The following IL1RAPL1 variants were observed in gnomAD, a reference collection of about 807,000 sequenced individuals.
The protein encoded by IL1RAPL1 is interleukin-1 receptor accessory protein-like 1.
In IL1RAPL1, 3 loss-of-function variants were observed where a neutral mutation model predicts 48.4. The observed-to-expected ratio is 0.06, with a 90% CI of 0.03 to 0.16. IL1RAPL1 has a LOEUF of 0.16. Among genes scored for constraint, IL1RAPL1 ranks in the 10% least tolerant of loss-of-function variants. The pLI is 1.00. For synonymous variants in IL1RAPL1, 185 were observed against 187.7 expected (o/e 0.99, Z 0.12); for missense variants, 349 against 530.6 (o/e 0.66, Z 3.36).
In IL1RAPL1 at chrX:29,158,064, C is replaced by G. The variant is rs756128743; in HGVS notation, c.83-124874C>G. Among the ~76,000 whole-genome samples, 233 of 110,910 alleles carry G rather than the reference C, an allele frequency of 2.1e-3. 1 individual carries two copies. Among genetic ancestry groups the G allele is most frequent in the Admixed American group, 3.4e-3 (35 of 10,408 alleles). On this transcript the variant is annotated intron_variant, in intron 2 of 10. Transcript: ENST00000378993. ...TGTGCCCTTGATTTTAATTTCTTAC[C>G]TTGAGTCCTTTTGTTATTTAGAATG... is the stretch of plus-strand genomic sequence containing the variant.
At chrX:28,667,319 C>G (rs1333115439) in intron 1 of IL1RAPL1, among the ~76,000 whole-genome samples, 1 of 112,210 alleles carries the variant, frequency 8.9e-6, no homozygotes, top group Non-Finnish European at 1.9e-5. Context: ...CTGCCTGAAT[C>G]TTAAGTATAA....
At chrX:29,595,881 G>C (rs778881428) in intron 5 of IL1RAPL1, among the ~76,000 whole-genome samples, 1 of 111,688 alleles carries the variant, frequency 9.0e-6, no homozygotes, top group East Asian at 2.8e-4. Context: ...TTAGATTTAA[G>C]TCTTTGATCC....
chrX:29,503,658 T>G, intron 5 of IL1RAPL1, among the ~76,000 whole-genome samples: 1 of 110,770 alleles, frequency 9.0e-6, no homozygotes, highest in African/African-American at 3.3e-5. Context: ...TTATTTTTAT[T>G]TTATTATTTG....
At chrX:29,191,392 A>G (rs776528733) in intron 2 of IL1RAPL1, among the ~76,000 whole-genome samples, 1 of 111,724 alleles carries the variant, frequency 9.0e-6, no homozygotes, top group South Asian at 3.8e-4. Context: ...TTTCAGGAGA[A>G]AAAAGAAAAG....
intron 5 of IL1RAPL1, among the ~76,000 whole-genome samples, chrX:29,399,540 G>A (rs1933961901): frequency 9.0e-6 from 1 of 111,706 alleles, no homozygotes; most frequent in Admixed American, 9.5e-5. Flanking sequence ...TAACTTTTGG[G>A]CCGGGCACCG....
intron 2 of IL1RAPL1, among the ~76,000 whole-genome samples, chrX:29,213,076 G>A (rs761172074): frequency 7.2e-5 from 8 of 111,201 alleles, no homozygotes; most frequent in Non-Finnish European, 1.5e-4. Context: ...TCGGCTCACC[G>A]CAACCTCTGC....
chrX:29,216,069 T>C (rs1230950957), intron 2 of IL1RAPL1, among the ~76,000 whole-genome samples: 4 of 112,146 alleles, frequency 3.6e-5, no homozygotes, highest in Non-Finnish European at 7.5e-5. Flanking sequence ...TCTCAACAAA[T>C]AGCTTCAGAT....
intron 2 of IL1RAPL1, among the ~76,000 whole-genome samples, chrX:29,014,402 G>A (rs1360375570): frequency 9.1e-6 from 1 of 109,928 alleles, no homozygotes; most frequent in Non-Finnish European, 1.9e-5. Context: ...GTCCCCTAGG[G>A]TGTGTGTGTG....
At chrX:29,183,991 GC>G (rs1256158590) in intron 2 of IL1RAPL1, among the ~76,000 whole-genome samples, 1 of 111,955 alleles carries the variant, frequency 8.9e-6, no homozygotes, top group Non-Finnish European at 1.9e-5. Flanking sequence ...ACCGTGTCCA[GC>G]CCCCCTTTTT....
intron 2 of IL1RAPL1, among the ~76,000 whole-genome samples, chrX:28,931,209 C>G (rs1923873163): frequency 9.0e-6 from 1 of 111,583 alleles, no homozygotes; most frequent in South Asian, 3.7e-4. Context: ...GTCTTGGAAC[C>G]ATGGGCACTT....
At chrX:28,610,525 A>G (rs1288794686) in intron 1 of IL1RAPL1, among the ~76,000 whole-genome samples, 1 of 112,703 alleles carries the variant, frequency 8.9e-6, no homozygotes, top group Non-Finnish European at 1.9e-5. Flanking sequence ...AGTGCTTTCT[A>G]GTAAAGGAGG....
intron 5 of IL1RAPL1, among the ~76,000 whole-genome samples, chrX:29,483,963 TACTGCAGGCGTGAGCC>T (rs1935068505): frequency 9.6e-6 from 1 of 103,914 alleles, no homozygotes; most frequent in Admixed American, 1.1e-4. Flanking sequence ...AAAGTGATAG[TACTGCAGGCGTGAGCC>T]ACTGCACCTG....
chrX:29,785,457 G>GAT (rs961301788), intron 6 of IL1RAPL1, among the ~76,000 whole-genome samples: 15 of 112,064 alleles, frequency 1.3e-4, no homozygotes, highest in Non-Finnish European at 1.7e-4. Context: ...AATAAAGTTT[G>GAT]ATAGTTTTTA....
At chrX:29,142,907 G>C (rs768005660) in intron 2 of IL1RAPL1, among the ~76,000 whole-genome samples, 41 of 110,527 alleles carry the variant, frequency 3.7e-4, no homozygotes, top group Non-Finnish European at 6.2e-4. Context: ...CACCATGTTG[G>C]CCAGGCTGGT....
chrX:29,430,581 G>A (rs918231331), intron 5 of IL1RAPL1, among the ~76,000 whole-genome samples: 83 of 105,116 alleles, frequency 7.9e-4, no homozygotes, highest in African/African-American at 2.9e-3. Context: ...TTATATATGT[G>A]TATATATATA....
chrX:28,805,865 A>G (rs1040373509), intron 2 of IL1RAPL1, among the ~76,000 whole-genome samples: 24 of 109,606 alleles, frequency 2.2e-4, no homozygotes, highest in African/African-American at 5.3e-4. Flanking sequence ...ATATGTATGT[A>G]TATATATATA....
At chrX:29,708,715 A>T (rs939596450) in intron 6 of IL1RAPL1, among the ~76,000 whole-genome samples, 1 of 112,259 alleles carries the variant, frequency 8.9e-6, no homozygotes, top group Non-Finnish European at 1.9e-5. Context: ...GCCAATTTCA[A>T]TTCCTTGGGA....
intron 2 of IL1RAPL1, among the ~76,000 whole-genome samples, chrX:29,237,137 A>G (rs1404522237): frequency 4.5e-5 from 5 of 111,532 alleles, no homozygotes; most frequent in Non-Finnish European, 9.4e-5. Context: ...GGTTGTTCCA[A>G]GAAACTAAGC....
chrX:28,839,439 A>G (rs17481159), intron 2 of IL1RAPL1, among the ~76,000 whole-genome samples: 4,369 of 110,957 alleles, frequency 0.039, 108 homozygotes, highest in African/African-American at 0.096. Flanking sequence ...GGACTTTAAA[A>G]TATGACTATA....
Sources: gnomAD v4.1 joint callset for allele counts (sites outside exome capture counted in the v4.1 genomes callset) on GRCh38, gnomAD v4.1.1 for gene constraint, MANE v1.5 for transcripts, NCBI Gene and HGNC (gene_info 2026-07-23, HGNC 2026-07-21) for gene names.